DLGAP1: variants seen among roughly 807,000 people sequenced by gnomAD.
The protein encoded by DLGAP1 is disks large-associated protein 1.
In DLGAP1, 11 loss-of-function variants were observed where a neutral mutation model predicts 90.8. That is an observed-to-expected ratio of 0.12 (90% CI 0.08 to 0.20). The LOEUF (loss-of-function observed/expected upper bound fraction) is 0.20. Ranked by LOEUF, DLGAP1 falls within the 10% of genes least tolerant of loss-of-function variation. The pLI is 1.00. For missense variants in DLGAP1, 1,050 were observed against 1,333.8 expected, an observed-to-expected ratio of 0.79 and a Z score of 3.31; for synonymous variants, 558 against 540.7, an observed-to-expected ratio of 1.03 and a Z score of -0.44.
intron 1 of DLGAP1, among the ~76,000 whole-genome samples, chr18:4,273,279 G>T (rs754452534): frequency 4.6e-5 from 7 of 152,096 alleles, no homozygotes; most frequent in Non-Finnish European, 8.8e-5. Flanking sequence ...AACCCTCCAT[G>T]CACCCTGCCT....
At chr18:4,181,758 G>A (rs1229508465) in intron 1 of DLGAP1, among the ~76,000 whole-genome samples, 2 of 151,630 alleles carry the variant, frequency 1.3e-5, no homozygotes, top group Non-Finnish European at 2.9e-5. Context: ...CTGTATTTAT[G>A]TATGGTACTC....
intron 2 of DLGAP1, among the ~76,000 whole-genome samples, chr18:4,064,025 G>A (rs2075337247): frequency 1.3e-5 from 2 of 151,976 alleles, no homozygotes; most frequent in South Asian, 4.1e-4. Context: ...TCACCCACCT[G>A]GCATGTCCTC....
intron 5 of DLGAP1, among the ~76,000 whole-genome samples, chr18:3,774,835 A>C (rs2064866049): frequency 6.6e-6 from 1 of 152,108 alleles, no homozygotes; most frequent in African/African-American, 2.4e-5. Flanking sequence ...CTCTCTCTGA[A>C]GACATAGAGT....
At chr18:3,713,335 A>C (rs1164576694) in intron 7 of DLGAP1, among the ~76,000 whole-genome samples, 1 of 152,254 alleles carries the variant, frequency 6.6e-6, no homozygotes, top group African/African-American at 2.4e-5. Context: ...GATTAGGAGC[A>C]AAGAATGATA....
chr18:3,806,557 T>C (rs2066571892), intron 5 of DLGAP1, among the ~76,000 whole-genome samples: 1 of 152,132 alleles, frequency 6.6e-6, no homozygotes, highest in African/African-American at 2.4e-5. Context: ...AATGAGTGAG[T>C]GAGTGATTGC....
chr18:3,707,497 G>A (rs1414462649), intron 7 of DLGAP1, among the ~76,000 whole-genome samples: 2 of 152,006 alleles, frequency 1.3e-5, no homozygotes, highest in East Asian at 1.9e-4. Context: ...CTGCTCAGGA[G>A]GCTGAGACAG....
At chr18:4,119,992 C>A (rs1325421596) in intron 2 of DLGAP1, among the ~76,000 whole-genome samples, 1 of 152,096 alleles carries the variant, frequency 6.6e-6, no homozygotes, top group Admixed American at 6.5e-5. Context: ...GAGAAACAAC[C>A]TTTTAACAGC....
chr18:3,932,611 G>A, intron 3 of DLGAP1, among the ~76,000 whole-genome samples: 1 of 152,192 alleles, frequency 6.6e-6, no homozygotes. Context: ...AGGGCAGCAA[G>A]GACAGGGCTA....
intron 1 of DLGAP1, among the ~76,000 whole-genome samples, chr18:4,327,030 TG>T (rs2080833610): frequency 6.6e-6 from 1 of 151,954 alleles, no homozygotes; most frequent in Admixed American, 6.6e-5. Flanking sequence ...CAGAGTAGAA[TG>T]GTGGTCATCA....
At chr18:4,218,847 A>C (rs2078015326) in intron 1 of DLGAP1, among the ~76,000 whole-genome samples, 1 of 151,602 alleles carries the variant, frequency 6.6e-6, no homozygotes, top group South Asian at 2.1e-4. Flanking sequence ...ACACACACAC[A>C]CACACAATTT....
intron 1 of DLGAP1, among the ~76,000 whole-genome samples, chr18:4,427,191 C>A (rs1325752675): frequency 2.6e-5 from 4 of 152,216 alleles, no homozygotes; most frequent in Non-Finnish European, 5.9e-5. Context: ...GAGACTGTTC[C>A]CGTGTGGTAG....
intron 7 of DLGAP1, among the ~76,000 whole-genome samples, chr18:3,586,041 C>G (rs1300009404): frequency 6.6e-6 from 1 of 152,116 alleles, no homozygotes; most frequent in African/African-American, 2.4e-5. Context: ...TCTTCGCTAT[C>G]GATAGGGATA....
intron 2 of DLGAP1, among the ~76,000 whole-genome samples, chr18:4,034,700 C>T (rs532057753): frequency 5.8e-4 from 88 of 152,166 alleles, no homozygotes; most frequent in African/African-American, 2.1e-3. Context: ...GTAGGTGAAC[C>T]CTGTCTCACT....
chr18:3,551,498 C>T (rs2053419047), intron 9 of DLGAP1, among the ~76,000 whole-genome samples: 1 of 151,698 alleles, frequency 6.6e-6, no homozygotes, highest in African/African-American at 2.4e-5. Context: ...ATCTGCCCTC[C>T]TGGCTTCCCA....
At chr18:3,867,010 C>G (rs1449411713) in intron 4 of DLGAP1, among the ~76,000 whole-genome samples, 1 of 152,120 alleles carries the variant, frequency 6.6e-6, no homozygotes, top group Non-Finnish European at 1.5e-5. Flanking sequence ...TGCCACCACA[C>G]CCGGCTAATT....
chr18:4,000,470 C>T (rs7237069), intron 3 of DLGAP1, among the ~76,000 whole-genome samples: 62,754 of 151,966 alleles, frequency 0.41, 13,224 homozygotes, highest in South Asian at 0.61. Context: ...CTCTCTCCCT[C>T]GTAAACTACA....
intron 1 of DLGAP1, among the ~76,000 whole-genome samples, chr18:4,175,428 C>T (rs1246668981): frequency 1.3e-5 from 2 of 152,160 alleles, no homozygotes; most frequent in Admixed American, 1.3e-4. Context: ...TTAATTAGAT[C>T]CCATTTGTCA....
chr18:3,594,201 C>T (rs1382362694), intron 7 of DLGAP1: 1 of 152,262 alleles, frequency 6.6e-6, no homozygotes, highest in Non-Finnish European at 1.5e-5. Context: ...GCCTCTCTCG[C>T]CCACATTTTC....
At chr18:4,035,928 T>TGTCTACTAAGAAGTAGACATAAATTCTTA (rs1305472886) in intron 2 of DLGAP1, among the ~76,000 whole-genome samples, 2 of 152,292 alleles carry the variant, frequency 1.3e-5, no homozygotes, top group East Asian at 1.9e-4. Context: ...TTACGATTTA[T>TGTCTACTAAGAAGTAGACATAAATTCTTA]GTCTACTAAG....
Sources: gnomAD v4.1 joint callset for allele counts (sites outside exome capture counted in the v4.1 genomes callset) on GRCh38, gnomAD v4.1.1 for gene constraint, MANE v1.5 for transcripts, NCBI Gene and HGNC (gene_info 2026-07-23, HGNC 2026-07-21) for gene names.